Variants in RAB3B observed in about 807,000 individuals in gnomAD.
The protein encoded by RAB3B is RAB3B, member RAS oncogene family.
In RAB3B, 11 loss-of-function variants were observed where a neutral mutation model predicts 20.5. The ratio of observed to expected loss-of-function variants is 0.54; its 90% CI spans 0.34 to 0.89. RAB3B has a LOEUF of 0.89. Among genes scored for constraint, RAB3B ranks in the 40% least tolerant of loss-of-function variants. RAB3B has a pLI of 0.02. For missense variants in RAB3B, 225 were observed against 280.9 expected, an observed-to-expected ratio of 0.80 and a Z score of 1.42; for synonymous variants, 99 against 106.3, an observed-to-expected ratio of 0.93 and a Z score of 0.42.
intron 2 of RAB3B, among the ~76,000 whole-genome samples, chr1:51,969,701 A>G (rs1337607768): frequency 2.6e-5 from 4 of 152,114 alleles, no homozygotes; most frequent in African/African-American, 7.2e-5. Context: ...AAGGAATGCT[A>G]TTTATCAATC....
chr1:51,931,260 T>C (rs1185345110), intron 4 of RAB3B, among the ~76,000 whole-genome samples: 1 of 152,122 alleles, frequency 6.6e-6, no homozygotes, highest in Non-Finnish European at 1.5e-5. Context: ...CCCTTAACTT[T>C]CTTCTTCACT....
At chr1:51,984,898 A>G (rs1440475417) in intron 1 of RAB3B, among the ~76,000 whole-genome samples, 1 of 152,184 alleles carries the variant, frequency 6.6e-6, no homozygotes, top group Admixed American at 6.6e-5. Flanking sequence ...CATTTGATCA[A>G]GAAGGAAACT....
At chr1:51,987,583 T>A (rs946234247) in intron 1 of RAB3B, among the ~76,000 whole-genome samples, 2 of 152,222 alleles carry the variant, frequency 1.3e-5, no homozygotes, top group African/African-American at 4.8e-5. Context: ...AGATTCAGTT[T>A]CCAGGTCTAT....
At chr1:51,971,648 A>G (rs1398706217) in intron 2 of RAB3B, among the ~76,000 whole-genome samples, 2 of 151,868 alleles carry the variant, frequency 1.3e-5, no homozygotes, top group Non-Finnish European at 2.9e-5. Context: ...TGGCCAGGCT[A>G]GTCTCGAACT....
At chr1:51,939,213 A>T (rs561068034) in intron 2 of RAB3B, among the ~76,000 whole-genome samples, 1 of 152,336 alleles carries the variant, frequency 6.6e-6, no homozygotes, top group African/African-American at 2.4e-5. Flanking sequence ...TCTCTATATC[A>T]TTACAGTCTC....
At chr1:51,976,026 T>C (rs1389439247) in intron 2 of RAB3B, among the ~76,000 whole-genome samples, 9 of 151,696 alleles carry the variant, frequency 5.9e-5, no homozygotes, top group African/African-American at 2.2e-4. Flanking sequence ...CTCCAGTGTA[T>C]GTTTCAGATG....
chr1:51,970,219 T>C (rs989978318), intron 2 of RAB3B, among the ~76,000 whole-genome samples: 1 of 152,140 alleles, frequency 6.6e-6, no homozygotes, highest in Non-Finnish European at 1.5e-5. Context: ...GGGCCCCACA[T>C]AGAGGTGGTG....
At chr1:51,962,286 C>T (rs1684794109) in intron 2 of RAB3B, among the ~76,000 whole-genome samples, 1 of 152,202 alleles carries the variant, frequency 6.6e-6, no homozygotes, top group Non-Finnish European at 1.5e-5. Flanking sequence ...ACTGTCAGCT[C>T]ACATCAGCTT....
At chr1:51,951,719 T>C (rs1013747765) in intron 2 of RAB3B, among the ~76,000 whole-genome samples, 1 of 152,098 alleles carries the variant, frequency 6.6e-6, no homozygotes, top group Admixed American at 6.5e-5. Context: ...GAGCCTGAGA[T>C]GGAAGAATCA....
chr1:51,952,994 A>G (rs1684660148), intron 2 of RAB3B, among the ~76,000 whole-genome samples: 1 of 152,082 alleles, frequency 6.6e-6, no homozygotes, highest in South Asian at 2.1e-4. Flanking sequence ...TTAGCCTGAA[A>G]CCATCCAACA....
At chr1:51,953,629 C>G (rs61780727) in intron 2 of RAB3B, among the ~76,000 whole-genome samples, 2 of 152,090 alleles carry the variant, frequency 1.3e-5, no homozygotes, top group East Asian at 3.9e-4. Context: ...CATACTAACA[C>G]GTCTCTACTA....
chr1:51,948,082 T>A (rs1684588280), intron 2 of RAB3B, among the ~76,000 whole-genome samples: 2 of 152,206 alleles, frequency 1.3e-5, no homozygotes, highest in South Asian at 4.1e-4. Context: ...TCCTTACACT[T>A]CCTTAACTCT....
chr1:51,963,727 C>T (rs1379188912), intron 2 of RAB3B, among the ~76,000 whole-genome samples: 2 of 152,104 alleles, frequency 1.3e-5, no homozygotes, highest in African/African-American at 4.8e-5. Flanking sequence ...TAAGAGAACT[C>T]GAACCAGCAC....
intron 4 of RAB3B, among the ~76,000 whole-genome samples, chr1:51,932,716 A>G (rs1684343630): frequency 6.6e-6 from 1 of 152,256 alleles, no homozygotes; most frequent in Admixed American, 6.5e-5. Flanking sequence ...AGACATGGTC[A>G]CATTCAGCAT....
chr1:51,933,741 T>C (rs1410239271), intron 3 of RAB3B, among the ~76,000 whole-genome samples: 1 of 152,162 alleles, frequency 6.6e-6, no homozygotes, highest in African/African-American at 2.4e-5. Context: ...GCTCCAGAAC[T>C]GTGAGAAAGA....
At chr1:51,948,208 T>C (rs947120864) in intron 2 of RAB3B, among the ~76,000 whole-genome samples, 3 of 152,152 alleles carry the variant, frequency 2.0e-5, no homozygotes, top group African/African-American at 7.2e-5. Flanking sequence ...AAGAGGTGAA[T>C]GACAGGAAAT....
chr1:51,949,919 G>A (rs1684615458), intron 2 of RAB3B, among the ~76,000 whole-genome samples: 1 of 152,178 alleles, frequency 6.6e-6, no homozygotes, highest in South Asian at 2.1e-4. Flanking sequence ...CAAGAAGAAT[G>A]AGGTCACATT....
At chr1:51,987,681 A>G (rs772371231) in intron 1 of RAB3B, among the ~76,000 whole-genome samples, 10 of 152,198 alleles carry the variant, frequency 6.6e-5, no homozygotes, top group Non-Finnish European at 1.2e-4. Context: ...TGGGAAAATT[A>G]TAGGTAATGT....
chr1:51,976,885 C>T lies in RAB3B; in HGVS notation c.228+5G>A. 1 of 1,612,670 alleles carries T rather than the reference C, an allele frequency of 6.2e-7. No homozygotes were observed. The highest frequency in any genetic ancestry group is 1.3e-5 in the African/African-American group (1 of 75,000). On this transcript the variant is annotated splice_donor_5th_base_variant and intron_variant, in intron 2 of 4. Coordinates refer to ENST00000371655, the MANE Select transcript of RAB3B (RefSeq NM_002867.4). ...AAAATCCTGCCCAAGATTCCCGGGA[C>T]TCACCCAGATCTGCAGTTTCACCCG... is the stretch of plus-strand genomic sequence containing the variant.
Sources: gnomAD v4.1 joint callset for allele counts (sites outside exome capture counted in the v4.1 genomes callset) on GRCh38, gnomAD v4.1.1 for gene constraint, MANE v1.5 for transcripts, NCBI Gene and HGNC (gene_info 2026-07-23, HGNC 2026-07-21) for gene names.